The following IGF2BP3 variants were observed in gnomAD, a reference collection of about 807,000 sequenced individuals.
IGF2BP3 encodes insulin like growth factor 2 mRNA binding protein 3.
A neutral mutation model predicts 73.8 loss-of-function variants in IGF2BP3; 9 were observed. That is an observed-to-expected ratio of 0.12 (90% CI 0.07 to 0.21). The LOEUF is 0.21. IGF2BP3 is among the 10% of genes least tolerant of loss of function. IGF2BP3 has a pLI of 1.00. For missense variants in IGF2BP3, 542 were observed against 714.0 expected, an observed-to-expected ratio of 0.76 and a Z score of 2.75; for synonymous variants, 258 against 256.7, an observed-to-expected ratio of 1.01 and a Z score of -0.05.
Position 23,351,566 on chromosome 7 carries a change from C to A in IGF2BP3, c.422G>T (p.Gly141Val). Residue 141 changes from glycine to valine, a missense_variant, in exon 6 of 15, where the codon GGA (glycine) becomes GTA (valine). Gly to Val is a moderately radical substitution (Grantham distance 109). This residue lies in a region of IGF2BP3 where 239 missense variants were observed against 241.9 expected (regional missense o/e 0.99). Transcript: ENST00000258729. ...CAAGGTGAAATTCTCTAACTGAAAT[C>A]CATTCAGTTTGTCTAGTGCTCTGAA... ...QARQALDKLNGFQLENFTLKV... is the reference protein window; with the variant it reads ...QARQALDKLNVFQLENFTLKV... 1.2e-6 allele frequency: 2 copies of A among 1,614,048 alleles called. No individual in the cohort carries two copies. The highest frequency in any genetic ancestry group is 1.7e-6 in the Non-Finnish European group (2 of 1,180,002).
At chr7:23,415,576 G>A (rs560818909) in intron 3 of IGF2BP3, 3 of 266,134 alleles carry the variant, frequency 1.1e-5, no homozygotes, top group East Asian at 3.3e-4. Context: ...CTGTCAGCCG[G>A]CGTCACTGAA....
chr7:23,336,916 C>A (rs1026199522), intron 10 of IGF2BP3, among the ~76,000 whole-genome samples: 1 of 151,838 alleles, frequency 6.6e-6, no homozygotes, highest in African/African-American at 2.4e-5. Flanking sequence ...CCACCACACT[C>A]CACCCTGGGT....
chr7:23,434,504 T>C (rs991766347), intron 2 of IGF2BP3, among the ~76,000 whole-genome samples: 14 of 152,216 alleles, frequency 9.2e-5, no homozygotes, highest in Admixed American at 4.6e-4. Flanking sequence ...AAGCAAATAA[T>C]TGTGTTCAAG....
At chr7:23,422,449 G>A (rs563688251) in intron 2 of IGF2BP3, among the ~76,000 whole-genome samples, 2 of 152,248 alleles carry the variant, frequency 1.3e-5, no homozygotes, top group South Asian at 4.1e-4. Flanking sequence ...TAGATACTCA[G>A]GATGCTGAGG....
intron 10 of IGF2BP3, among the ~76,000 whole-genome samples, chr7:23,322,213 C>G (rs574560115): frequency 1.7e-3 from 257 of 152,200 alleles, no homozygotes; most frequent in African/African-American, 5.4e-3. Flanking sequence ...AACCAATACA[C>G]AGAAGTGCTT....
rs1431468948 is a variant in IGF2BP3 at position 23,310,864 on chromosome 7, T to G, written c.*1498A>C. The G allele has an allele frequency of 6.6e-6, 1 of 151,968 alleles. No homozygotes were observed. The highest frequency in any genetic ancestry group is 2.4e-5 in the African/African-American group (1 of 41,354). The allele number at this position is 151,968 out of a possible 1,614,324, so 9.4% of individuals were successfully genotyped here. On this transcript the variant is annotated 3_prime_UTR_variant, in exon 15 of 15. Coordinates refer to ENST00000258729, the MANE Select transcript of IGF2BP3 (RefSeq NM_006547.3). ...ACTGTGATCATCTTACAAACAAAAC[T>G]CAAAAAATCAATTCAGAGAGCAGCG... is the stretch of plus-strand genomic sequence containing the variant.
At chr7:23,358,002 C>T (rs527518180) in intron 5 of IGF2BP3, among the ~76,000 whole-genome samples, 214 of 152,348 alleles carry the variant, frequency 1.4e-3, no homozygotes, top group African/African-American at 4.7e-3. Flanking sequence ...GGAGCAGAAG[C>T]AGCAATCAAA....
chr7:23,468,247 T>G (rs1431092436), intron 2 of IGF2BP3, among the ~76,000 whole-genome samples: 4 of 152,194 alleles, frequency 2.6e-5, no homozygotes, highest in Non-Finnish European at 4.4e-5. Context: ...TTTCGAGAGA[T>G]TTTGTAACCA....
Position 23,469,918 on chromosome 7 carries a change from G to T in IGF2BP3, c.175+18C>A, listed in dbSNP as rs755495449. 1 of 1,595,926 alleles carries T rather than the reference G, an allele frequency of 6.3e-7. No individual in the cohort carries two copies. The highest frequency in any genetic ancestry group is 1.1e-5 in the South Asian group (1 of 89,146). ...AGGGCTGGGGCGAGAGCCCGGGTGGGGCCAGGCCCGGGCCCACCTGAAAGC... is the reference window on the plus strand; with the variant it reads ...AGGGCTGGGGCGAGAGCCCGGGTGGTGCCAGGCCCGGGCCCACCTGAAAGC... On this transcript the variant is annotated intron_variant, in intron 1 of 14. Coordinates refer to ENST00000258729, the MANE Select transcript of IGF2BP3 (RefSeq NM_006547.3). This position sits in a 1 kb window ranked among gnomAD's most constrained non-coding sequence, Gnocchi z 6.1.
chr7:23,404,837 A>G (rs897357910), intron 3 of IGF2BP3, among the ~76,000 whole-genome samples: 1 of 152,284 alleles, frequency 6.6e-6, no homozygotes, highest in Middle Eastern at 3.4e-3. Context: ...TAGACACAGC[A>G]TTAATAGTGC....
At chr7:23,447,022 G>C (rs1405313013) in intron 2 of IGF2BP3, among the ~76,000 whole-genome samples, 1 of 151,966 alleles carries the variant, frequency 6.6e-6, no homozygotes, top group African/African-American at 2.4e-5. Context: ...GCCCAACATG[G>C]TGAAACCTCA....
chr7:23,370,704 GTCTTGCTC>G (rs1259218733), intron 3 of IGF2BP3, among the ~76,000 whole-genome samples: 1 of 151,338 alleles, frequency 6.6e-6, no homozygotes, highest in Non-Finnish European at 1.5e-5. Context: ...TTAAGACAGA[GTCTTGCTC>G]TGTCACCCAG....
intron 6 of IGF2BP3, among the ~76,000 whole-genome samples, chr7:23,349,192 A>C (rs1784901673): frequency 6.6e-6 from 1 of 152,220 alleles, no homozygotes; most frequent in Admixed American, 6.5e-5. Flanking sequence ...TGGGAAAATT[A>C]AGTATTTGTT....
At chr7:23,456,254 A>G (rs1584064839) in intron 2 of IGF2BP3, among the ~76,000 whole-genome samples, 1 of 150,898 alleles carries the variant, frequency 6.6e-6, no homozygotes, top group South Asian at 2.1e-4. Flanking sequence ...GAGCTCAGTC[A>G]CTTTTCAACC....
chr7:23,336,961 A>G (rs2128499320), intron 10 of IGF2BP3, among the ~76,000 whole-genome samples: 1 of 152,318 alleles, frequency 6.6e-6, no homozygotes, highest in Non-Finnish European at 1.5e-5. Context: ...AAGAAAAAAA[A>G]AAAAGAAGCA....
At chr7:23,391,781 T>A (rs1156457663) in intron 3 of IGF2BP3, among the ~76,000 whole-genome samples, 1 of 152,160 alleles carries the variant, frequency 6.6e-6, no homozygotes, top group Non-Finnish European at 1.5e-5. Context: ...ACACCCTAGT[T>A]GAATAATTTG....
chr7:23,319,147 A>G lies in IGF2BP3; in HGVS notation c.1311T>C (p.Ala437=). The change falls in exon 11 of 15, where the codon GCT becomes GCC. Residue 437 remains alanine, a synonymous_variant. Transcript: ENST00000258729. ...HIKQLSRFAG[A]SIKIAPAEAP... is the part of the protein sequence containing the mutation. ...GCTGGTAGAACAGTACCTTAATTGAAGCTCCAGCAAAGCGAGAAAGCTGCT... is the reference window on the plus strand; with the variant it reads ...GCTGGTAGAACAGTACCTTAATTGAGGCTCCAGCAAAGCGAGAAAGCTGCT... 6.2e-7 allele frequency: 1 copy of G among 1,609,674 alleles called. No individual in the cohort carries two copies. The highest frequency in any genetic ancestry group is 8.5e-7 in the Non-Finnish European group (1 of 1,176,518).
intron 3 of IGF2BP3, among the ~76,000 whole-genome samples, chr7:23,368,345 A>AAGAAAG (rs1394134519): frequency 7.2e-4 from 80 of 111,656 alleles, no homozygotes; most frequent in African/African-American, 2.7e-3. Context: ...GAAAGAAAAA[A>AAGAAAG]AGAAAGAAAG....
chr7:23,319,482 T>C (rs1784078336), intron 10 of IGF2BP3, among the ~76,000 whole-genome samples: 1 of 152,214 alleles, frequency 6.6e-6, no homozygotes, highest in African/African-American at 2.4e-5. Context: ...TACTGTTGCC[T>C]TAAACTTTAA....
Sources: gnomAD v4.1 joint callset for allele counts (sites outside exome capture counted in the v4.1 genomes callset) on GRCh38, gnomAD v4.1.1 for gene constraint, gnomAD v4.1.1 regional missense constraint, Gnocchi (gnomAD v3.1) non-coding constraint, MANE v1.5 for transcripts, NCBI Gene and HGNC (gene_info 2026-07-23, HGNC 2026-07-21) for gene names.